Variants in LEKR1 observed in about 807,000 individuals in gnomAD.
LEKR1 encodes protein LEKR1.
A neutral mutation model predicts 72.4 loss-of-function variants in LEKR1; 59 were observed. That is an observed-to-expected ratio of 0.82 (90% confidence interval 0.66 to 1.01). The LOEUF is 1.01. Among genes scored for constraint, LEKR1 ranks in the 50% least tolerant of loss-of-function variants. LEKR1 has a pLI of 0.00. For synonymous variants in LEKR1, 257 were observed against 263.2 expected (o/e 0.98, Z 0.23); for missense variants, 728 against 759.2 (o/e 0.96, Z 0.48).
intron 6 of LEKR1, among the ~76,000 whole-genome samples, chr3:156,953,135 G>A (rs1357535498): frequency 6.7e-6 from 1 of 149,118 alleles, no homozygotes; most frequent in African/African-American, 2.4e-5. Context: ...AGAATTAGGT[G>A]AATGAGAGAT....
intron 3 of LEKR1, among the ~76,000 whole-genome samples, chr3:156,899,638 ATATATACACATATATACACG>A: frequency 1.5e-5 from 2 of 130,874 alleles, no homozygotes; most frequent in East Asian, 4.1e-4. Flanking sequence ...ATATACACGC[ATATATACACATATATACACG>A]CATATATACA....
chr3:156,840,869 A>G (rs1191979336), intron 2 of LEKR1, among the ~76,000 whole-genome samples: 1 of 152,246 alleles, frequency 6.6e-6, no homozygotes, highest in African/African-American at 2.4e-5. Flanking sequence ...TGGTGCTTAT[A>G]TATATTTGAA....
At chr3:156,900,838 GGTGAA>G (rs1261196070) in intron 3 of LEKR1, among the ~76,000 whole-genome samples, 8 of 152,184 alleles carry the variant, frequency 5.3e-5, no homozygotes, top group Admixed American at 1.3e-4. Flanking sequence ...ATTTTTTAAT[GGTGAA>G]GTGAAGAGCA....
intron 2 of LEKR1, among the ~76,000 whole-genome samples, chr3:156,850,999 G>T (rs182211680): frequency 6.6e-6 from 1 of 152,088 alleles, no homozygotes; most frequent in African/African-American, 2.4e-5. Context: ...TCAGATCTAA[G>T]GTTGCATTAG....
chr3:156,969,646 A>T (rs1242881314), intron 6 of LEKR1, among the ~76,000 whole-genome samples: 1 of 152,202 alleles, frequency 6.6e-6, no homozygotes, highest in African/African-American at 2.4e-5. Flanking sequence ...TACCAACCAA[A>T]AAAAGTCCAG....
intron 6 of LEKR1, among the ~76,000 whole-genome samples, chr3:156,948,425 A>G (rs147779476): frequency 0.01 from 1,562 of 151,290 alleles, 11 homozygotes; most frequent in Non-Finnish European, 0.017. Context: ...TGGGCCTACA[A>G]CTTCCCAAAA....
intron 2 of LEKR1, among the ~76,000 whole-genome samples, chr3:156,832,625 A>C (rs344075): frequency 6.6e-6 from 1 of 152,226 alleles, no homozygotes; most frequent in African/African-American, 2.4e-5. Context: ...AGCCCAGCCA[A>C]GGATTCATCT....
At chr3:157,021,570 C>T (rs1263232055) in intron 10 of LEKR1, among the ~76,000 whole-genome samples, 1 of 152,140 alleles carries the variant, frequency 6.6e-6, no homozygotes, top group Non-Finnish European at 1.5e-5. Context: ...CTTCTGTCAT[C>T]TAATTTTTGT....
chr3:156,883,894 T>C lies in LEKR1; in HGVS notation c.263+30912T>C, dbSNP rs1560051099. 2.0e-5 allele frequency among the ~76,000 whole-genome samples: 3 copies of C among 152,228 alleles called. No individual in the cohort carries two copies. The East Asian group carries it at 5.8e-4, about 29-fold the overall frequency. ...AGTGGAGTACTGAAGTCCTCAACTA[T>C]TAATGTTGCCATCCATCTCATTTCT... is the stretch of plus-strand genomic sequence containing the variant. On this transcript the variant is annotated intron_variant, in intron 3 of 12. Transcript: ENST00000356539.
chr3:156,864,419 T>G (rs1717090914), intron 3 of LEKR1, among the ~76,000 whole-genome samples: 1 of 152,040 alleles, frequency 6.6e-6, no homozygotes, highest in South Asian at 2.1e-4. Context: ...TATTTTCATC[T>G]TTTCTTTCTC....
chr3:156,828,697 TA>T (rs750875323), intron 1 of LEKR1, among the ~76,000 whole-genome samples: 2 of 152,192 alleles, frequency 1.3e-5, no homozygotes, highest in Non-Finnish European at 2.9e-5. Flanking sequence ...GAAAATCTGT[TA>T]AAAGTAAAAT....
At chr3:156,999,058 C>T (rs1237153532) in intron 9 of LEKR1, among the ~76,000 whole-genome samples, 1 of 152,132 alleles carries the variant, frequency 6.6e-6, no homozygotes, top group Non-Finnish European at 1.5e-5. Context: ...GCTTTTCCCC[C>T]TTTGCCCGGC....
At chr3:157,024,000 A>C (rs920018640) in intron 10 of LEKR1, among the ~76,000 whole-genome samples, 11 of 152,184 alleles carry the variant, frequency 7.2e-5, no homozygotes, top group Non-Finnish European at 1.5e-4. Flanking sequence ...AACACAGTAC[A>C]TACACTGTAC....
At position 156,962,306 on chromosome 3, in the gene LEKR1, G is replaced by T. The variant is rs376684080; in HGVS notation, c.746-16888G>T. On this transcript the variant is annotated intron_variant, in intron 6 of 12. Transcript: ENST00000356539. ...CCTTGGCTTCAAATAAAAGGGGAAA[G>T]TGCTGATTTTACAAACAGAAAACCA... Among the ~76,000 whole-genome samples, 12 of 152,320 alleles carry T rather than the reference G, an allele frequency of 7.9e-5. No individual in the cohort carries two copies. The South Asian group carries it at 8.3e-4, about 11-fold the overall frequency.
At chr3:156,899,533 C>CATGT (rs1721692916) in intron 3 of LEKR1, among the ~76,000 whole-genome samples, 1 of 103,814 alleles carries the variant, frequency 9.6e-6, no homozygotes, top group Non-Finnish European at 2.0e-5. Flanking sequence ...CATATATACA[C>CATGT]ATATATACAT....
At chr3:156,919,869 C>A (rs1724030545) in intron 3 of LEKR1, among the ~76,000 whole-genome samples, 1 of 152,136 alleles carries the variant, frequency 6.6e-6, no homozygotes, top group South Asian at 2.1e-4. Flanking sequence ...TATATACTTA[C>A]AGTTTTAATT....
At chr3:156,939,390 T>C (rs1182337105) in intron 5 of LEKR1, among the ~76,000 whole-genome samples, 1 of 152,328 alleles carries the variant, frequency 6.6e-6, no homozygotes, top group East Asian at 1.9e-4. Context: ...CTCAGATTTC[T>C]AGTCTCTGGA....
intron 6 of LEKR1, among the ~76,000 whole-genome samples, chr3:156,956,531 A>T (rs961159344): frequency 7.9e-5 from 12 of 152,138 alleles, no homozygotes; most frequent in African/African-American, 2.9e-4. Flanking sequence ...AAGCAAAATT[A>T]TATAATAAGT....
chr3:156,904,863 CT>C (rs1722386742), intron 3 of LEKR1, among the ~76,000 whole-genome samples: 2 of 151,828 alleles, frequency 1.3e-5, no homozygotes, highest in South Asian at 4.2e-4. Context: ...ACTTCTGTTT[CT>C]GCACCAGGAA....
Sources: gnomAD v4.1 joint callset for allele counts (sites outside exome capture counted in the v4.1 genomes callset) on GRCh38, gnomAD v4.1.1 for gene constraint, MANE v1.5 for transcripts, NCBI Gene and HGNC (gene_info 2026-07-23, HGNC 2026-07-21) for gene names.